The following TRAPPC9 variants were observed in gnomAD, a reference collection of about 807,000 sequenced individuals.
The protein encoded by TRAPPC9 is IKK2 binding protein.
Under a neutral mutation model 124.0 loss-of-function variants are expected in TRAPPC9, and 83 were observed. That is an observed-to-expected ratio of 0.67 (90% CI 0.56 to 0.80). The LOEUF is 0.80. TRAPPC9 is among the 30% of genes least tolerant of loss of function. TRAPPC9 has a pLI of 0.00. For missense variants in TRAPPC9, 1,302 were observed against 1,508.3 expected (o/e 0.86, Z 2.27); for synonymous variants, 638 against 617.5 (o/e 1.03, Z -0.49).
chr8:140,297,683 C>G (rs908125534), intron 11 of TRAPPC9, among the ~76,000 whole-genome samples: 1 of 152,208 alleles, frequency 6.6e-6, no homozygotes, highest in Admixed American at 6.5e-5. Flanking sequence ...GTCTGCGGGG[C>G]CCCCACCCCA....
intron 17 of TRAPPC9, among the ~76,000 whole-genome samples, chr8:140,080,669 C>G (rs1242178733): frequency 2.0e-5 from 3 of 152,194 alleles, no homozygotes; most frequent in East Asian, 1.9e-4. Flanking sequence ...AATCACCTCC[C>G]GCTAGGCCCC....
intron 21 of TRAPPC9, among the ~76,000 whole-genome samples, chr8:139,860,251 T>A (rs10107813): frequency 0.45 from 67,768 of 152,044 alleles, 17,290 homozygotes; most frequent in East Asian, 0.72. Context: ...AAGGTAGAGC[T>A]AGCCCACTGA....
At chr8:139,978,680 G>A (rs922237666) in intron 19 of TRAPPC9, among the ~76,000 whole-genome samples, 1 of 152,202 alleles carries the variant, frequency 6.6e-6, no homozygotes, top group African/African-American at 2.4e-5. Flanking sequence ...TAATAAAGCT[G>A]TGACGTGAAA....
At chr8:140,231,700 C>G (rs1418650235) in intron 16 of TRAPPC9, among the ~76,000 whole-genome samples, 1 of 146,754 alleles carries the variant, frequency 6.8e-6, no homozygotes. Context: ...AGAGGCCCCT[C>G]TCTCTCCTCC....
chr8:139,922,707 G>A (rs1832587918), intron 19 of TRAPPC9, among the ~76,000 whole-genome samples: 1 of 152,218 alleles, frequency 6.6e-6, no homozygotes, highest in South Asian at 2.1e-4. Flanking sequence ...CCAAAGCCCA[G>A]GACCCAGATC....
intron 17 of TRAPPC9, among the ~76,000 whole-genome samples, chr8:140,152,537 T>A (rs1203200816): frequency 7.2e-6 from 1 of 139,754 alleles, no homozygotes; most frequent in Non-Finnish European, 1.5e-5. Flanking sequence ...ATTTTTTGTA[T>A]TTTTTTTTTT....
intron 19 of TRAPPC9, among the ~76,000 whole-genome samples, chr8:139,968,597 T>C (rs952421766): frequency 2.6e-5 from 4 of 152,306 alleles, no homozygotes; most frequent in Non-Finnish European, 5.9e-5. Context: ...ACAAGGCTCA[T>C]GTGGAGGGGC....
chr8:140,249,690 G>A (rs898063805), intron 16 of TRAPPC9, among the ~76,000 whole-genome samples: 53 of 136,454 alleles, frequency 3.9e-4, no homozygotes, highest in Middle Eastern at 4.0e-3. Context: ...TGCAAGCTCC[G>A]CCTCCCGGGT....
At chr8:140,457,878 G>C (rs1050968517), upstream of TRAPPC9, 2 of 1,051,448 alleles carry the variant, frequency 1.9e-6, no homozygotes, top group Non-Finnish European at 2.4e-6. Flanking sequence ...GGAGGAGCGA[G>C]GGAGAGAAGA....
chr8:140,253,753 C>T (rs1010384014), intron 15 of TRAPPC9, among the ~76,000 whole-genome samples: 2 of 152,066 alleles, frequency 1.3e-5, no homozygotes, highest in Non-Finnish European at 2.9e-5. Context: ...AGGTGTTTCC[C>T]TTGCTTTCTG....
At chr8:139,988,678 A>C in intron 19 of TRAPPC9, 48 bp downstream of exon 19, 1 of 1,287,424 alleles carries the variant, frequency 7.8e-7, no homozygotes, top group Non-Finnish European at 1.1e-6. Flanking sequence ...CAGCGTGGTG[A>C]AGGCAGAGGG....
At chr8:140,369,502 G>A (rs2068216882) in intron 8 of TRAPPC9, among the ~76,000 whole-genome samples, 1 of 152,204 alleles carries the variant, frequency 6.6e-6, no homozygotes, top group African/African-American at 2.4e-5. Context: ...ATTCTAGCAG[G>A]TGAAAGTAAG....
At chr8:139,819,373 G>A (rs974240689) in intron 21 of TRAPPC9, among the ~76,000 whole-genome samples, 1 of 152,066 alleles carries the variant, frequency 6.6e-6, no homozygotes, top group Admixed American at 6.6e-5. Context: ...TAAAGTGCAC[G>A]ATAAATGTAA....
chr8:140,369,441 G>A (rs753028141), intron 8 of TRAPPC9, among the ~76,000 whole-genome samples: 5 of 152,146 alleles, frequency 3.3e-5, no homozygotes, highest in Non-Finnish European at 5.9e-5. Flanking sequence ...GGAGTATAAC[G>A]AACTACCTGT....
At position 140,242,523 on chromosome 8, in the gene TRAPPC9, G is replaced by A. The variant is rs186798101; in HGVS notation, c.2431+10254C>T. ...AAAGGAAACACAGAAAGGTGAGCCC[G>A]TCTGGAGAGAATGACAATCCATCAG... On this transcript the variant is annotated intron_variant, in intron 16 of 22. Transcript: ENST00000438773. 1.9e-4 allele frequency among the ~76,000 whole-genome samples: 29 copies of A among 152,304 alleles called. 1 individual carries two copies. The highest frequency in any genetic ancestry group is 3.8e-4 in the Non-Finnish European group (26 of 68,014).
intron 20 of TRAPPC9, among the ~76,000 whole-genome samples, chr8:139,893,731 C>T (rs1200986159): frequency 6.6e-6 from 1 of 152,254 alleles, no homozygotes; most frequent in East Asian, 1.9e-4. Flanking sequence ...CCCTGACGAT[C>T]TACTCTGGCA....
intron 18 of TRAPPC9, among the ~76,000 whole-genome samples, chr8:140,021,976 C>G (rs1400705449): frequency 6.6e-6 from 1 of 152,200 alleles, no homozygotes; most frequent in Non-Finnish European, 1.5e-5. Context: ...TGGCGAGGAG[C>G]AAAGCGCCCT....
chr8:139,954,747 C>T (rs763148435), intron 19 of TRAPPC9, among the ~76,000 whole-genome samples: 96 of 152,202 alleles, frequency 6.3e-4, no homozygotes, highest in African/African-American at 9.4e-4. Flanking sequence ...GAGGTGCTCA[C>T]GCCACTTGAC....
chr8:139,777,527 G>A (rs1262686034), intron 21 of TRAPPC9, among the ~76,000 whole-genome samples: 1 of 152,220 alleles, frequency 6.6e-6, no homozygotes, highest in Non-Finnish European at 1.5e-5. Flanking sequence ...GCAAATGAAT[G>A]AAGGAAAGAT....
Sources: gnomAD v4.1 joint callset for allele counts (sites outside exome capture counted in the v4.1 genomes callset) on GRCh38, gnomAD v4.1.1 for gene constraint, MANE v1.5 for transcripts, NCBI Gene and HGNC (gene_info 2026-07-23, HGNC 2026-07-21) for gene names.